MAP2: variants seen among roughly 807,000 people sequenced by gnomAD.
The protein encoded by MAP2 is microtubule associated protein 2.
MAP2 carries 14 observed loss-of-function variants against 137.6 expected under a neutral mutation model. That is an observed-to-expected ratio of 0.10 (90% CI 0.07 to 0.16). The LOEUF is 0.16. Ranked by LOEUF, MAP2 falls within the 10% of genes least tolerant of loss-of-function variation. The pLI, the probability that MAP2 is intolerant of heterozygous loss-of-function variation, is 1.00. For synonymous variants in MAP2, 786 were observed against 782.3 expected (o/e 1.00, Z -0.08); for missense variants, 2,088 against 2,191.5 (o/e 0.95, Z 0.94).
chr2:209,659,151 CA>C (rs149148267), intron 5 of MAP2, among the ~76,000 whole-genome samples: 327 of 152,238 alleles, frequency 2.1e-3, no homozygotes, highest in African/African-American at 7.5e-3. Context: ...GTCCTAACCT[CA>C]AGAAGTGGTA....
intron 12 of MAP2, among the ~76,000 whole-genome samples, chr2:209,706,353 C>T (rs1452378192): frequency 1.3e-5 from 2 of 151,972 alleles, no homozygotes; most frequent in East Asian, 3.9e-4. Flanking sequence ...AAATTACTTC[C>T]GTAAATATTT....
chr2:209,502,202 A>G (rs2060463208), intron 1 of MAP2, among the ~76,000 whole-genome samples: 1 of 152,162 alleles, frequency 6.6e-6, no homozygotes, highest in African/African-American at 2.4e-5. Flanking sequence ...AGGTTTAGTC[A>G]TCCTGTATAA....
chr2:209,718,348 C>T (rs1301791577), intron 13 of MAP2, among the ~76,000 whole-genome samples: 3 of 151,836 alleles, frequency 2.0e-5, no homozygotes, highest in Non-Finnish European at 4.4e-5. Flanking sequence ...TTGATGACTT[C>T]GTCCACTATT....
intron 1 of MAP2, among the ~76,000 whole-genome samples, chr2:209,472,123 G>C (rs555466284): frequency 2.0e-5 from 3 of 152,052 alleles, no homozygotes; most frequent in African/African-American, 7.2e-5. Context: ...GGTTTACAAC[G>C]TGATGCTATG....
intron 3 of MAP2, among the ~76,000 whole-genome samples, chr2:209,608,253 G>C (rs1299811388): frequency 1.3e-5 from 2 of 151,888 alleles, no homozygotes; most frequent in East Asian, 3.9e-4. Flanking sequence ...ACATATATAA[G>C]AGGATATTAT....
chr2:209,621,972 C>T (rs560289776), intron 3 of MAP2, among the ~76,000 whole-genome samples: 3 of 152,316 alleles, frequency 2.0e-5, no homozygotes, highest in South Asian at 4.1e-4. Flanking sequence ...ATTTACTCAG[C>T]TTACTTTGTG....
chr2:209,708,484 G>A (rs1350588368), intron 12 of MAP2, among the ~76,000 whole-genome samples: 1 of 152,148 alleles, frequency 6.6e-6, no homozygotes, highest in Non-Finnish European at 1.5e-5. Flanking sequence ...AACCTATGGT[G>A]ATGGGTGGAT....
Position 209,696,038 on chromosome 2 carries a change from G to A in MAP2, c.3868G>A (p.Asp1290Asn). The change falls in exon 8 of 16, where the codon GAT becomes AAT. Residue 1290 changes from aspartate to asparagine, a missense_variant. Asp to Asn is a conservative substitution (Grantham distance 23). Transcript: ENST00000682079. ...VIESVVTIED[D>N]FITVVQTTTD... ...TGAGTCTGTTGTGACCATCGAGGAT[G>A]ATTTCATCACTGTAGTGCAAACCAC... is the stretch of plus-strand genomic sequence containing the variant. The A allele has an allele frequency of 1.9e-6, 3 of 1,614,122 alleles. No homozygotes were observed. The highest frequency in any genetic ancestry group is 1.1e-5 in the South Asian group (1 of 91,080).
At chr2:209,579,035 G>C (rs1228727811) in intron 2 of MAP2, among the ~76,000 whole-genome samples, 1 of 151,338 alleles carries the variant, frequency 6.6e-6, no homozygotes, top group East Asian at 1.9e-4. Flanking sequence ...ATAAATATAT[G>C]CATTTCTTTA....
chr2:209,621,532 T>C (rs1423175287), intron 3 of MAP2, among the ~76,000 whole-genome samples: 1 of 152,040 alleles, frequency 6.6e-6, no homozygotes, highest in Non-Finnish European at 1.5e-5. Flanking sequence ...GTGCTAGGAT[T>C]ACAGGCATGA....
At chr2:209,704,643 G>A (rs775069264) in intron 11 of MAP2, 6 of 1,546,684 alleles carry the variant, frequency 3.9e-6, no homozygotes, top group South Asian at 1.3e-5. Context: ...GTCAATAAAA[G>A]GTGCAGAAAG....
intron 2 of MAP2, among the ~76,000 whole-genome samples, chr2:209,521,178 G>C (rs1388466723): frequency 1.3e-5 from 2 of 151,914 alleles, no homozygotes; most frequent in Non-Finnish European, 2.9e-5. Context: ...GCACCACATC[G>C]TGCCAAGAAG....
intron 1 of MAP2, among the ~76,000 whole-genome samples, chr2:209,489,375 ACTT>A (rs1378400556): frequency 1.3e-5 from 2 of 152,146 alleles, no homozygotes; most frequent in Non-Finnish European, 2.9e-5. Flanking sequence ...ATACCAGAAC[ACTT>A]CTTCTCCACC....
At chr2:209,602,630 G>T (rs942444285) in intron 3 of MAP2, among the ~76,000 whole-genome samples, 1 of 152,166 alleles carries the variant, frequency 6.6e-6, no homozygotes, top group Admixed American at 6.5e-5. Context: ...TTCACACTGT[G>T]AATCTATTTT....
intron 3 of MAP2, among the ~76,000 whole-genome samples, chr2:209,611,678 C>T (rs1176256649): frequency 6.6e-6 from 1 of 151,906 alleles, no homozygotes; most frequent in Non-Finnish European, 1.5e-5. Flanking sequence ...TTATATGAGT[C>T]CATAACAGTG....
At chr2:209,713,080 G>A (rs1317505798) in intron 13 of MAP2, among the ~76,000 whole-genome samples, 1 of 152,266 alleles carries the variant, frequency 6.6e-6, no homozygotes, top group East Asian at 1.9e-4. Flanking sequence ...AAGAAGATGG[G>A]AGTAAAATTA....
chr2:209,470,855 T>G (rs527806807), intron 1 of MAP2, among the ~76,000 whole-genome samples: 3 of 152,340 alleles, frequency 2.0e-5, no homozygotes, highest in South Asian at 2.1e-4. Context: ...CCCATTCATC[T>G]TCTCTAATGA....
At chr2:209,678,537 A>T (rs371095820) in intron 5 of MAP2, 35 bp from the exon 6 acceptor site, 117 of 1,110,982 alleles carry the variant, frequency 1.1e-4, no homozygotes, top group Non-Finnish European at 1.4e-4. Flanking sequence ...CAGACTTCTC[A>T]TCGTTATATT....
chr2:209,598,431 T>C (rs1459468938), intron 3 of MAP2, among the ~76,000 whole-genome samples: 1 of 151,504 alleles, frequency 6.6e-6, no homozygotes, highest in African/African-American at 2.4e-5. Flanking sequence ...TATTTATTTA[T>C]TTTATTTTTT....
Sources: gnomAD v4.1 joint callset for allele counts (sites outside exome capture counted in the v4.1 genomes callset) on GRCh38, gnomAD v4.1.1 for gene constraint, MANE v1.5 for transcripts, NCBI Gene and HGNC (gene_info 2026-07-23, HGNC 2026-07-21) for gene names.